Variants in GPHN observed in about 807,000 individuals in gnomAD.
The protein encoded by GPHN is gephyrin.
A neutral mutation model predicts 95.5 loss-of-function variants in GPHN; 17 were observed. The ratio of observed to expected loss-of-function variants is 0.18; its 90% CI spans 0.12 to 0.27. The LOEUF is 0.27. Among genes scored for constraint, GPHN ranks in the 10% least tolerant of loss-of-function variants. The probability of loss-of-function intolerance (pLI) is 1.00; values close to 1 mark genes in which losing one functional copy is unlikely to be tolerated. For missense variants in GPHN, 660 were observed against 978.1 expected, an observed-to-expected ratio of 0.67 and a Z score of 4.34; for synonymous variants, 320 against 322.5, an observed-to-expected ratio of 0.99 and a Z score of 0.08.
At position 67,107,223 on chromosome 14, in the gene GPHN, C is replaced by T. The variant is rs192134073; in HGVS notation, c.1294-2917C>T. Among the ~76,000 whole-genome samples the T allele has an allele frequency of 1.2e-3, 187 of 152,200 alleles. 1 individual carries two copies. Among genetic ancestry groups the T allele is most frequent in the Non-Finnish European group, 2.6e-4 (18 of 68,014 alleles). Reference sequence around the variant, plus strand: ...TTTTCCACACAATAGGGAGAATCAGCTGAAGGGATCCCTCTTGGTGTTAGG... The same window carrying T: ...TTTTCCACACAATAGGGAGAATCAGTTGAAGGGATCCCTCTTGGTGTTAGG... On this transcript the variant is annotated intron_variant, in intron 13 of 22. Transcript: ENST00000478722.
chr14:67,282,667 A>G, the GPHN span, among the ~76,000 whole-genome samples: 5 of 152,150 alleles, frequency 3.3e-5, no homozygotes, highest in African/African-American at 1.2e-4. Flanking sequence ...TAGATTTCAA[A>G]TGAATAATTA....
At chr14:67,172,729 T>C (rs1269317041) in intron 21 of GPHN, among the ~76,000 whole-genome samples, 1 of 152,108 alleles carries the variant, frequency 6.6e-6, no homozygotes, top group African/African-American at 2.4e-5. Flanking sequence ...TCCTAGGAAG[T>C]GCAGTCATTG....
intron 1 of GPHN, among the ~76,000 whole-genome samples, chr14:66,609,727 G>A (rs2062703245): frequency 1.3e-5 from 2 of 152,028 alleles, no homozygotes; most frequent in Admixed American, 6.6e-5. Context: ...CTATTCTGCT[G>A]TAAATGCTTC....
the GPHN span, among the ~76,000 whole-genome samples, chr14:67,590,732 G>A: frequency 6.6e-6 from 1 of 152,210 alleles, no homozygotes; most frequent in African/African-American, 2.4e-5. Context: ...GAGTTAAGAA[G>A]TTTAGGCCTC....
intron 4 of GPHN, among the ~76,000 whole-genome samples, chr14:66,856,829 T>C (rs566030200): frequency 3.9e-5 from 6 of 152,236 alleles, no homozygotes; most frequent in Middle Eastern, 3.4e-3. Flanking sequence ...TTTAATTTCA[T>C]TTTTATCATT....
chr14:66,527,164 A>G (rs1442686698), intron 1 of GPHN, among the ~76,000 whole-genome samples: 4 of 152,096 alleles, frequency 2.6e-5, no homozygotes, highest in Non-Finnish European at 5.9e-5. Flanking sequence ...TTACTGGTCT[A>G]TTCAGGAATT....
intron 3 of GPHN, among the ~76,000 whole-genome samples, chr14:66,817,289 A>G (rs2061011525): frequency 6.6e-6 from 1 of 152,122 alleles, no homozygotes; most frequent in African/African-American, 2.4e-5. Flanking sequence ...AGGTATTTGC[A>G]TGTTTCTTAA....
At chr14:66,581,032 A>G (rs2061143319) in intron 1 of GPHN, among the ~76,000 whole-genome samples, 1 of 151,858 alleles carries the variant, frequency 6.6e-6, no homozygotes, top group Non-Finnish European at 1.5e-5. Context: ...TAAATGTCAT[A>G]CATTAATAGA....
chr14:67,391,179 A>G, the GPHN span, among the ~76,000 whole-genome samples: 1 of 152,152 alleles, frequency 6.6e-6, no homozygotes, highest in Non-Finnish European at 1.5e-5. Flanking sequence ...GTGTGCCCAC[A>G]TGTGCAGTAA....
chr14:67,593,672 A>G, the GPHN span: 2 of 856,316 alleles, frequency 2.3e-6, no homozygotes, highest in East Asian at 2.4e-5. Context: ...TTTAGTTTAA[A>G]TCTGGGAACA....
the GPHN span, among the ~76,000 whole-genome samples, chr14:67,221,135 A>G: frequency 0.031 from 4,715 of 152,338 alleles, 121 homozygotes; most frequent in Admixed American, 0.045. Context: ...AGCACAGAAA[A>G]TAAGCTTCTT....
chr14:66,905,098 G>A lies in GPHN; in HGVS notation c.390-10905G>A, dbSNP rs569101689. ...TTGATGTGATTTTCTGTATCTTACC[G>A]GTGATCTTCATTGCTCTTCATGCTT... On this transcript the variant is annotated intron_variant, in intron 5 of 22. Coordinates refer to ENST00000478722, the MANE Select transcript of GPHN (RefSeq NM_020806.5). Among the ~76,000 whole-genome samples, 66 of 151,970 alleles carry A rather than the reference G, an allele frequency of 4.3e-4. 1 individual carries two copies. The South Asian group carries it at 5.4e-3, about 12-fold the overall frequency.
chr14:66,679,987 G>A (rs2066845022), intron 1 of GPHN, among the ~76,000 whole-genome samples: 1 of 151,968 alleles, frequency 6.6e-6, no homozygotes, highest in Non-Finnish European at 1.5e-5. Flanking sequence ...GTTTATAATA[G>A]AGCAGCAGAA....
intron 4 of GPHN, among the ~76,000 whole-genome samples, chr14:66,869,894 A>G (rs758647966): frequency 1.3e-5 from 2 of 152,228 alleles, no homozygotes; most frequent in East Asian, 1.9e-4. Flanking sequence ...TAGCAAAACT[A>G]CATAGTAAAG....
chr14:66,889,886 A>G (rs2064385283), intron 5 of GPHN, among the ~76,000 whole-genome samples: 1 of 152,142 alleles, frequency 6.6e-6, no homozygotes, highest in South Asian at 2.1e-4. Context: ...GACTAAGAAA[A>G]AAAAAGAAAC....
intron 1 of GPHN, among the ~76,000 whole-genome samples, chr14:66,652,298 C>T (rs2065082923): frequency 6.6e-6 from 1 of 151,900 alleles, no homozygotes; most frequent in African/African-American, 2.4e-5. Flanking sequence ...CATCCTGTGT[C>T]ATATAGAAAA....
chr14:66,665,891 CACATGT>C, intron 1 of GPHN, among the ~76,000 whole-genome samples: 1 of 152,114 alleles, frequency 6.6e-6, no homozygotes, highest in Non-Finnish European at 1.5e-5. Flanking sequence ...GAAAATGTGG[CACATGT>C]ACATCATGGA....
intron 5 of GPHN, among the ~76,000 whole-genome samples, chr14:66,903,421 C>T (rs1395594724): frequency 6.6e-6 from 1 of 152,048 alleles, no homozygotes; most frequent in East Asian, 1.9e-4. Flanking sequence ...GTTACAGTTA[C>T]AGTTGTTGAT....
intron 4 of GPHN, among the ~76,000 whole-genome samples, chr14:66,856,869 C>T (rs2062825114): frequency 2.0e-5 from 3 of 152,086 alleles, no homozygotes; most frequent in Admixed American, 1.3e-4. Context: ...ATTATATGGT[C>T]ATCTTGATGT....
Sources: gnomAD v4.1 joint callset for allele counts (sites outside exome capture counted in the v4.1 genomes callset) on GRCh38, gnomAD v4.1.1 for gene constraint, MANE v1.5 for transcripts, NCBI Gene and HGNC (gene_info 2026-07-23, HGNC 2026-07-21) for gene names.